Variants in CSNK1G1 observed in about 807,000 individuals in gnomAD.
The protein encoded by CSNK1G1 is casein kinase 1 gamma 1.
Under a neutral mutation model 59.6 loss-of-function variants are expected in CSNK1G1, and 22 were observed. That is an observed-to-expected ratio of 0.37 (90% CI 0.26 to 0.53). The LOEUF (loss-of-function observed/expected upper bound fraction) is 0.53, where lower values mean the gene tolerates loss of function less well. CSNK1G1 is among the 20% of genes least tolerant of loss of function. The pLI, the probability that CSNK1G1 is intolerant of heterozygous loss-of-function variation, is 0.89. For synonymous variants in CSNK1G1, 179 were observed against 177.1 expected (o/e 1.01, Z -0.08); for missense variants, 384 against 519.5 (o/e 0.74, Z 2.54).
At chr15:64,198,192 CTT>C (rs893282431) in intron 10 of CSNK1G1, among the ~76,000 whole-genome samples, 161 of 110,542 alleles carry the variant, frequency 1.5e-3, no homozygotes, top group African/African-American at 5.1e-3. Context: ...ACAGGATATA[CTT>C]TTTTTTTTTT....
intron 1 of CSNK1G1, among the ~76,000 whole-genome samples, chr15:64,313,531 A>C (rs1225674230): frequency 1.3e-5 from 2 of 152,150 alleles, no homozygotes; most frequent in African/African-American, 4.8e-5. Flanking sequence ...GTTCTCATTC[A>C]TAAGTGGGAG....
intron 2 of CSNK1G1, among the ~76,000 whole-genome samples, chr15:64,277,607 T>G (rs558086397): frequency 5.8e-4 from 80 of 137,518 alleles, no homozygotes; most frequent in South Asian, 1.8e-3. Context: ...TAATAATATA[T>G]TAATATTGGT....
chr15:64,238,518 AATATATATATATATAT>A (rs1212005568), intron 4 of CSNK1G1, among the ~76,000 whole-genome samples: 2 of 49,246 alleles, frequency 4.1e-5, no homozygotes, highest in Non-Finnish European at 6.3e-5. Flanking sequence ...AAAAAAAAAA[AATATATATATATATAT>A]ATATATATAT....
chr15:64,183,487 C>T (rs1165700855), intron 10 of CSNK1G1, among the ~76,000 whole-genome samples: 1 of 152,150 alleles, frequency 6.6e-6, no homozygotes, highest in Non-Finnish European at 1.5e-5. Context: ...TACTGAACTG[C>T]AGGCAGTGGA....
intron 4 of CSNK1G1, among the ~76,000 whole-genome samples, chr15:64,226,470 C>T (rs757655756): frequency 7.9e-5 from 12 of 152,036 alleles, no homozygotes; most frequent in East Asian, 3.9e-4. Context: ...GCAGGGGAAT[C>T]GCTTGAACCC....
intron 11 of CSNK1G1, among the ~76,000 whole-genome samples, chr15:64,172,526 CT>C (rs2081686545): frequency 1.3e-5 from 2 of 152,198 alleles, no homozygotes; most frequent in Non-Finnish European, 1.5e-5. Flanking sequence ...CCATCCCCCT[CT>C]CTGTCCTCAC....
chr15:64,181,472 G>T (rs1007215923), intron 10 of CSNK1G1: 1 of 1,470,356 alleles, frequency 6.8e-7, no homozygotes, highest in Non-Finnish European at 9.0e-7. Flanking sequence ...AAACAATTTG[G>T]ATATCATATG....
At chr15:64,346,058 A>AATCACAG in intron 1 of CSNK1G1, among the ~76,000 whole-genome samples, 1 of 151,796 alleles carries the variant, frequency 6.6e-6, no homozygotes, top group Middle Eastern at 3.4e-3. Context: ...CAAAGTGCTG[A>AATCACAG]GTGTGAGCCA....
At position 64,181,189 on chromosome 15, in the gene CSNK1G1, A is replaced by T. The variant is rs1596054431; in HGVS notation, c.1108-735T>A. Reference sequence around the variant, plus strand: ...TCCCTTGGAAAGCCAGTCTTATTTCAACGATCTTTATTTCAGGTTCACTGC... The same window carrying T: ...TCCCTTGGAAAGCCAGTCTTATTTCTACGATCTTTATTTCAGGTTCACTGC... On this transcript the variant is annotated intron_variant, in intron 10 of 11. Coordinates refer to ENST00000303052, the MANE Select transcript of CSNK1G1 (RefSeq NM_022048.5). 6 of 1,525,248 alleles carry T rather than the reference A, an allele frequency of 3.9e-6. No individual in the cohort carries two copies. The Admixed American group carries it at 6.2e-5, about 16-fold the overall frequency. 94.5% of individuals were successfully genotyped at this position (1,525,248 alleles called of 1,614,324 possible). A position where few individuals can be genotyped will look rare whatever the true frequency, so the allele number is the denominator to read the frequency against.
intron 4 of CSNK1G1, among the ~76,000 whole-genome samples, chr15:64,219,706 T>C (rs1035811497): frequency 6.6e-6 from 1 of 152,124 alleles, no homozygotes; most frequent in Non-Finnish European, 1.5e-5. Flanking sequence ...CTGATCCTCC[T>C]GCTTTGACCT....
chr15:64,343,110 G>A (rs909154119), intron 1 of CSNK1G1, among the ~76,000 whole-genome samples: 1 of 151,864 alleles, frequency 6.6e-6, no homozygotes, highest in African/African-American at 2.4e-5. Flanking sequence ...TATTCGGGAG[G>A]CCAAGGCAGG....
chr15:64,311,703 C>T (rs989094202), intron 1 of CSNK1G1, among the ~76,000 whole-genome samples: 6 of 135,668 alleles, frequency 4.4e-5, no homozygotes, highest in African/African-American at 1.4e-4. Flanking sequence ...AAAAAAGCCA[C>T]GGGGTTTGGT....
chr15:64,352,557 T>A (rs1251846363), intron 1 of CSNK1G1, among the ~76,000 whole-genome samples: 3 of 148,224 alleles, frequency 2.0e-5, no homozygotes, highest in East Asian at 4.3e-4. Flanking sequence ...GCGATTCTCT[T>A]GCCTCAGCCT....
intron 1 of CSNK1G1, among the ~76,000 whole-genome samples, chr15:64,333,593 T>C (rs769746115): frequency 6.6e-6 from 1 of 152,098 alleles, no homozygotes; most frequent in African/African-American, 2.4e-5. Flanking sequence ...CATCTCAGTA[T>C]TAATGCTGAA....
At chr15:64,296,856 CT>C (rs140695726) in intron 2 of CSNK1G1, among the ~76,000 whole-genome samples, 6,698 of 149,152 alleles carry the variant, frequency 0.045, 251 homozygotes, top group Non-Finnish European at 0.065. Context: ...AAGAGCAAAA[CT>C]CCATCTAAAA....
chr15:64,305,266 T>C (rs977037247), intron 1 of CSNK1G1, among the ~76,000 whole-genome samples: 4 of 152,160 alleles, frequency 2.6e-5, no homozygotes, highest in South Asian at 2.1e-4. Context: ...AGAATAAGTA[T>C]TTAGCAAACA....
At chr15:64,238,756 G>T (rs2082654461) in intron 4 of CSNK1G1, among the ~76,000 whole-genome samples, 1 of 151,574 alleles carries the variant, frequency 6.6e-6, no homozygotes, top group Non-Finnish European at 1.5e-5. Flanking sequence ...CTGGAGTTGG[G>T]CCAGGGCTGT....
At chr15:64,303,196 T>C (rs187065301) in intron 1 of CSNK1G1, among the ~76,000 whole-genome samples, 135 of 141,390 alleles carry the variant, frequency 9.5e-4, no homozygotes, top group Middle Eastern at 3.9e-3. Context: ...TGCCAGTAAA[T>C]AGCCACTGAA....
intron 1 of CSNK1G1, among the ~76,000 whole-genome samples, chr15:64,350,087 C>G (rs1357571160): frequency 6.6e-6 from 1 of 152,064 alleles, no homozygotes; most frequent in Non-Finnish European, 1.5e-5. Context: ...TCAGAAGAAG[C>G]TTCTTTTCTG....
Sources: allele counts gnomAD v4.1 joint callset (sites outside exome capture counted in the v4.1 genomes callset), GRCh38; gene constraint gnomAD v4.1.1; transcripts MANE v1.5; gene names NCBI Gene and HGNC (gene_info 2026-07-23, HGNC 2026-07-21).